The following ZNF536 variants were observed in gnomAD, a reference collection of about 807,000 sequenced individuals.
The protein encoded by ZNF536 is zinc finger protein 536.
A neutral mutation model predicts 84.5 loss-of-function variants in ZNF536; 13 were observed. That is an observed-to-expected ratio of 0.15 (90% CI 0.10 to 0.24). ZNF536 has a LOEUF of 0.24. Among genes scored for constraint, ZNF536 ranks in the 10% least tolerant of loss-of-function variants. The pLI is 1.00. For synonymous variants in ZNF536, 811 were observed against 742.5 expected (o/e 1.09, Z -1.50); for missense variants, 1,536 against 1,747.5 (o/e 0.88, Z 2.16).
intron 1 of ZNF536, among the ~76,000 whole-genome samples, chr19:30,440,316 G>A (rs2051976726): frequency 6.6e-6 from 1 of 152,050 alleles, no homozygotes; most frequent in Admixed American, 6.6e-5. Context: ...TGGTAGCCAG[G>A]GACCCTTCCA....
intron 1 of ZNF536, among the ~76,000 whole-genome samples, chr19:30,389,437 C>T (rs559898386): frequency 9.9e-5 from 15 of 152,240 alleles, no homozygotes; most frequent in African/African-American, 3.4e-4. Flanking sequence ...TCCCTTTTTG[C>T]TCAAGATACA....
intron 1 of ZNF536, among the ~76,000 whole-genome samples, chr19:30,394,623 C>T (rs1411927552): frequency 1.3e-5 from 2 of 152,224 alleles, no homozygotes; most frequent in African/African-American, 4.8e-5. Context: ...ATGGCCCTGT[C>T]TTCTTCCATC....
At chr19:30,305,547 T>C (rs936402858) in intron 2 of ZNF536, among the ~76,000 whole-genome samples, 1 of 152,208 alleles carries the variant, frequency 6.6e-6, no homozygotes, top group Non-Finnish European at 1.5e-5. Context: ...GAGATAGCCC[T>C]GAGCCTCAGC....
At chr19:30,627,032 T>TG (rs1483008690) in intron 1 of ZNF536, among the ~76,000 whole-genome samples, 1 of 151,824 alleles carries the variant, frequency 6.6e-6, no homozygotes, top group African/African-American at 2.4e-5. Flanking sequence ...CTCTGGAGGG[T>TG]GGGGGCTCAA....
At chr19:30,369,917 A>G (rs748768346), upstream of ZNF536, among the ~76,000 whole-genome samples, 13 of 152,124 alleles carry the variant, frequency 8.5e-5, no homozygotes, top group Admixed American at 3.3e-4. Flanking sequence ...GCAGTTGGAT[A>G]ATTTAGCTAG....
intron 1 of ZNF536, among the ~76,000 whole-genome samples, chr19:30,646,774 C>T (rs1354226503): frequency 1.3e-5 from 2 of 152,220 alleles, no homozygotes; most frequent in Non-Finnish European, 2.9e-5. Context: ...GTTGTATCAA[C>T]TGGCACCTGC....
chr19:30,355,416 T>G (rs1450694339), intron 3 of ZNF536, among the ~76,000 whole-genome samples: 1 of 152,038 alleles, frequency 6.6e-6, no homozygotes, highest in Non-Finnish European at 1.5e-5. Context: ...GGAGACAGGG[T>G]CTCACTGTGT....
At chr19:30,304,337 T>C (rs886285403) in intron 2 of ZNF536, among the ~76,000 whole-genome samples, 2 of 152,222 alleles carry the variant, frequency 1.3e-5, no homozygotes, top group South Asian at 2.1e-4. Context: ...ACACACAATC[T>C]GATGGATCCT....
At chr19:30,483,817 C>T (rs1282492578) in intron 2 of ZNF536, among the ~76,000 whole-genome samples, 3 of 152,158 alleles carry the variant, frequency 2.0e-5, no homozygotes, top group Admixed American at 2.0e-4. Flanking sequence ...TGAGAACCTT[C>T]AGGGTCCAGC....
intron 1 of ZNF536, among the ~76,000 whole-genome samples, chr19:30,256,223 T>C (rs961417627): frequency 3.3e-5 from 5 of 151,898 alleles, no homozygotes; most frequent in Non-Finnish European, 7.4e-5. Flanking sequence ...TTTGTAGGAG[T>C]TTGTGAAATT....
At chr19:30,462,660 G>A (rs1018912462) in intron 2 of ZNF536, among the ~76,000 whole-genome samples, 2 of 152,148 alleles carry the variant, frequency 1.3e-5, no homozygotes, top group African/African-American at 4.8e-5. Context: ...ATGTTGCTGT[G>A]TTGGCATGGG....
intron 2 of ZNF536, among the ~76,000 whole-genome samples, chr19:30,330,058 C>G (rs2047160130): frequency 6.6e-6 from 1 of 152,146 alleles, no homozygotes. Flanking sequence ...AGTAGGCATT[C>G]AATAAATACT....
chr19:30,249,791 A>G (rs2024502111), intron 1 of ZNF536, among the ~76,000 whole-genome samples: 1 of 152,138 alleles, frequency 6.6e-6, no homozygotes, highest in Non-Finnish European at 1.5e-5. Flanking sequence ...TTTTTGGGGA[A>G]TGGAGGTGGA....
chr19:30,586,357 G>T, intron 1 of ZNF536, among the ~76,000 whole-genome samples: 1 of 152,222 alleles, frequency 6.6e-6, no homozygotes, highest in East Asian at 1.9e-4. Flanking sequence ...AGAATGTGCG[G>T]CCACCATGTT....
intron 1 of ZNF536, among the ~76,000 whole-genome samples, chr19:30,386,626 C>T (rs986942827): frequency 6.6e-6 from 1 of 152,230 alleles, no homozygotes; most frequent in Admixed American, 6.5e-5. Flanking sequence ...AATCCTCCTG[C>T]CTTGGCCTCC....
At chr19:30,406,311 C>G (rs552710056) in intron 1 of ZNF536, among the ~76,000 whole-genome samples, 1 of 152,022 alleles carries the variant, frequency 6.6e-6, no homozygotes, top group Non-Finnish European at 1.5e-5. Context: ...GACGAGAGAG[C>G]GGAGTGTGGT....
At chr19:30,607,222 G>T (rs1448262474) in intron 1 of ZNF536, among the ~76,000 whole-genome samples, 5 of 152,174 alleles carry the variant, frequency 3.3e-5, no homozygotes, top group Non-Finnish European at 7.4e-5. Flanking sequence ...GGCTGAGTGT[G>T]GCTGTAACTT....
chr19:30,303,202 C>G (rs1351177232), intron 2 of ZNF536, among the ~76,000 whole-genome samples: 10 of 152,168 alleles, frequency 6.6e-5, no homozygotes, highest in Non-Finnish European at 4.4e-5. Context: ...AGCACACCAC[C>G]TTGTGTCTCC....
At chr19:30,635,710 G>A (rs567779970) in intron 1 of ZNF536, among the ~76,000 whole-genome samples, 141 of 152,352 alleles carry the variant, frequency 9.3e-4, no homozygotes, top group Middle Eastern at 3.4e-3. Context: ...CCTCCTTGTG[G>A]ATGGCATCCG....
Sources: gnomAD v4.1 joint callset for allele counts (sites outside exome capture counted in the v4.1 genomes callset) on GRCh38, gnomAD v4.1.1 for gene constraint, MANE v1.5 for transcripts, NCBI Gene and HGNC (gene_info 2026-07-23, HGNC 2026-07-21) for gene names.